OPHN1: variants seen among roughly 807,000 people sequenced by gnomAD.
OPHN1 encodes oligophrenin 1.
A neutral mutation model predicts 60.7 loss-of-function variants in OPHN1; 11 were observed. That is an observed-to-expected ratio of 0.18 (90% CI 0.11 to 0.30). The LOEUF is 0.30. Ranked by LOEUF, OPHN1 falls within the 10% of genes least tolerant of loss-of-function variation. OPHN1 has a pLI of 1.00. For synonymous variants in OPHN1, 226 were observed against 222.6 expected, an observed-to-expected ratio of 1.02 and a Z score of -0.14; for missense variants, 449 against 611.0, an observed-to-expected ratio of 0.73 and a Z score of 2.80.
intron 4 of OPHN1, among the ~76,000 whole-genome samples, chrX:68,276,516 G>A (rs1290092622): frequency 4.5e-5 from 5 of 111,341 alleles, no homozygotes; most frequent in Admixed American, 9.6e-5. Context: ...CTCCTTAATT[G>A]AAAATAAGAC....
intron 5 of OPHN1, among the ~76,000 whole-genome samples, chrX:68,245,272 G>A (rs988264939): frequency 2.7e-5 from 3 of 111,139 alleles, no homozygotes; most frequent in African/African-American, 6.5e-5. Context: ...GCAGTCTCAC[G>A]CCAATCTACT....
In OPHN1 at chrX:68,226,793, C is replaced by T. The variant is rs756127561; in HGVS notation, c.486+7694G>A. 4.4e-3 allele frequency among the ~76,000 whole-genome samples: 489 copies of T among 111,657 alleles called. 1 individual carries two copies. Among genetic ancestry groups the T allele is most frequent in the South Asian group, 0.017 (45 of 2,625 alleles). On this transcript the variant is annotated intron_variant, in intron 6 of 24. Coordinates refer to ENST00000355520, the MANE Select transcript of OPHN1 (RefSeq NM_002547.3). The stretch of plus-strand genomic sequence containing the variant: ...GCAAAGACATGCCAAATTGTAAAGA[C>T]CATCAAGGCTAGGAAGAAACTGCAT...
intron 15 of OPHN1, among the ~76,000 whole-genome samples, chrX:68,150,437 G>A (rs1051247078): frequency 1.5e-4 from 17 of 111,721 alleles, no homozygotes; most frequent in African/African-American, 5.5e-4. Flanking sequence ...AATAAGTTGT[G>A]AGCACAAATC....
intron 6 of OPHN1, among the ~76,000 whole-genome samples, chrX:68,218,132 G>A (rs1266603668): frequency 2.2e-5 from 2 of 89,664 alleles, no homozygotes; most frequent in African/African-American, 3.8e-5. Flanking sequence ...CGTGAAGAAT[G>A]CAGAAGCCTC....
chrX:68,423,949 C>T (rs1268245192), intron 2 of OPHN1, among the ~76,000 whole-genome samples: 1 of 111,245 alleles, frequency 9.0e-6, no homozygotes, highest in Non-Finnish European at 1.9e-5. Context: ...GGCTGATCAC[C>T]TGAGGTCAGG....
intron 15 of OPHN1, among the ~76,000 whole-genome samples, chrX:68,133,853 G>A (rs987110796): frequency 9.0e-6 from 1 of 111,460 alleles, no homozygotes; most frequent in Non-Finnish European, 1.9e-5. Context: ...GATTCTGGCT[G>A]AGCTTGATTC....
At position 68,063,904 on chromosome X, in the gene OPHN1, G is replaced by A. The variant is rs1425210982; in HGVS notation, c.2108C>T (p.Ser703Phe). The A allele has an allele frequency of 1.7e-6, 2 of 1,188,209 alleles. No individual in the cohort carries two copies. The highest frequency in any genetic ancestry group is 1.9e-5 in the South Asian group (1 of 53,251). The change falls in exon 21 of 25, where the codon TCT becomes TTT. Residue 703 changes from serine to phenylalanine, a missense_variant. Ser to Phe is a radical substitution (Grantham distance 155, BLOSUM62 -2). Coordinates refer to ENST00000355520, the MANE Select transcript of OPHN1 (RefSeq NM_002547.3). ...MPGSGPTKTP[S>F]FHIKRPAPRP... Reference sequence around the variant, plus strand: ...GGGAGCTGGTCTCTTTATGTGGAAAGAGGGGGTCTTGGTGGGCCCAGAGCC... The same window carrying A: ...GGGAGCTGGTCTCTTTATGTGGAAAAAGGGGGTCTTGGTGGGCCCAGAGCC...
At chrX:68,317,638 AGAAAAAG>A (rs1425672806) in intron 2 of OPHN1, among the ~76,000 whole-genome samples, 24 of 89,993 alleles carry the variant, frequency 2.7e-4, no homozygotes, top group African/African-American at 8.9e-4. Flanking sequence ...AGAAAAGAAA[AGAAAAAG>A]AAGAAGAAGA....
At chrX:68,133,576 T>G (rs771492445) in intron 15 of OPHN1, 21 of 388,081 alleles carry the variant, frequency 5.4e-5, no homozygotes, top group Non-Finnish European at 9.3e-5. Flanking sequence ...TGTAGGTCCA[T>G]TTTATACAAC....
intron 18 of OPHN1, among the ~76,000 whole-genome samples, chrX:68,107,875 T>G (rs917490003): frequency 7.1e-5 from 8 of 112,112 alleles, no homozygotes; most frequent in Admixed American, 2.8e-4. Context: ...TTGTGATTAG[T>G]AAGTAACTTG....
At chrX:68,248,662 T>C (rs2077819062) in intron 5 of OPHN1, among the ~76,000 whole-genome samples, 1 of 112,306 alleles carries the variant, frequency 8.9e-6, no homozygotes, top group African/African-American at 3.2e-5. Flanking sequence ...TGCAGCACTG[T>C]TTACAATAGC....
At chrX:68,237,077 C>T (rs1309652145) in intron 5 of OPHN1, among the ~76,000 whole-genome samples, 1 of 111,967 alleles carries the variant, frequency 8.9e-6, no homozygotes, top group African/African-American at 3.3e-5. Context: ...CCTCCACCTG[C>T]TGGGTTCAAG....
chrX:68,142,969 T>C (rs2077249667), intron 15 of OPHN1, among the ~76,000 whole-genome samples: 1 of 111,756 alleles, frequency 8.9e-6, no homozygotes, highest in Non-Finnish European at 1.9e-5. Flanking sequence ...TCATTATTTG[T>C]AGCCTCTTAT....
At chrX:68,149,294 G>A (rs2077275803) in intron 15 of OPHN1, among the ~76,000 whole-genome samples, 1 of 111,488 alleles carries the variant, frequency 9.0e-6, no homozygotes, top group African/African-American at 3.3e-5. Context: ...TGAGTGGAAG[G>A]CTCTAATGAA....
At chrX:68,183,645 T>A (rs1390751242) in intron 15 of OPHN1, among the ~76,000 whole-genome samples, 1 of 109,447 alleles carries the variant, frequency 9.1e-6, no homozygotes, top group Non-Finnish European at 1.9e-5. Context: ...GTCCTTTTAC[T>A]TTGTCTTGTC....
At chrX:68,170,020 A>G (rs1233254489) in intron 15 of OPHN1, among the ~76,000 whole-genome samples, 27 of 108,689 alleles carry the variant, frequency 2.5e-4, no homozygotes, top group Admixed American at 2.1e-3. Context: ...GAAAATTTTC[A>G]CAACCTACTC....
At chrX:68,165,110 G>A (rs2077351953) in intron 15 of OPHN1, among the ~76,000 whole-genome samples, 1 of 111,315 alleles carries the variant, frequency 9.0e-6, no homozygotes, top group African/African-American at 3.3e-5. Flanking sequence ...CTTCTATCCA[G>A]ACCACTCAAA....
chrX:68,082,414 A>T (rs900831338), intron 19 of OPHN1, among the ~76,000 whole-genome samples: 2 of 112,349 alleles, frequency 1.8e-5, no homozygotes. Flanking sequence ...CTACTTCTTA[A>T]ATAATAAGAC....
rs2076825287 is a variant in OPHN1, at chrX:68,044,228, C to G, written c.*2944G>C. The G allele has an allele frequency of 8.9e-6, 1 of 112,249 alleles. No homozygotes were observed. The highest frequency in any genetic ancestry group is 1.9e-5 in the Non-Finnish European group (1 of 53,277). The allele number at this position is 112,249 out of a possible 1,213,427, so 9.3% of individuals were successfully genotyped here. ...GCAAGAGTCAAGAGTCATGCCAACT[C>G]TAGTAATGTGGCCTCTGTTCAAACA... On this transcript the variant is annotated 3_prime_UTR_variant, in exon 25 of 25. Transcript: ENST00000355520.
Sources: allele counts gnomAD v4.1 joint callset (sites outside exome capture counted in the v4.1 genomes callset), GRCh38; gene constraint gnomAD v4.1.1; transcripts MANE v1.5; gene names NCBI Gene and HGNC (gene_info 2026-07-23, HGNC 2026-07-21).